COL4A1: variants seen among roughly 807,000 people sequenced by gnomAD.
COL4A1 encodes the protein collagen alpha-1(IV) chain.
In COL4A1, 40 loss-of-function variants were observed where a neutral mutation model predicts 216.6. The observed-to-expected ratio is 0.18, with a 90% CI of 0.14 to 0.24. The LOEUF (loss-of-function observed/expected upper bound fraction) is 0.24. Ranked by LOEUF, COL4A1 falls within the 10% of genes least tolerant of loss-of-function variation. The probability of loss-of-function intolerance (pLI) is 1.00; values close to 1 mark genes in which losing one functional copy is unlikely to be tolerated. For missense variants in COL4A1, 1,628 were observed against 2,196.8 expected, an observed-to-expected ratio of 0.74 and a Z score of 5.18; for synonymous variants, 839 against 810.7, an observed-to-expected ratio of 1.03 and a Z score of -0.59.
At chr13:110,196,842 T>C (rs781005494) in intron 21 of COL4A1, among the ~76,000 whole-genome samples, 14 of 152,224 alleles carry the variant, frequency 9.2e-5, no homozygotes, top group Non-Finnish European at 1.9e-4. Context: ...GCTCTATCGA[T>C]AAGTCCTGAG....
chr13:110,173,920 G>T lies in COL4A1; in HGVS notation c.3485C>A (p.Ala1162Glu). The change falls in exon 40 of 52, where the codon GCA becomes GAA. Residue 1162 changes from alanine (A) to glutamate (E), a missense_variant. Around this residue, in one of 8 missense-constraint regions of COL4A1, gnomAD observed 345 missense variants for 476.9 expected, o/e 0.72. Transcript: ENST00000375820. ...CATACCTGGTTCACCCTTCTCTCCT[G>T]CTGACCCCGGGATTCCATCACTGCC... ...EPGSDGIPGSAGEKGEPGLPG... is the reference protein window; with the variant it reads ...EPGSDGIPGSEGEKGEPGLPG... 1 of 1,614,182 alleles carries T rather than the reference G, an allele frequency of 6.2e-7. No homozygotes were observed. The highest frequency in any genetic ancestry group is 8.5e-7 in the Non-Finnish European group (1 of 1,180,044).
chr13:110,192,181 G>C (rs1878659381), intron 24 of COL4A1, 33 bp downstream of exon 24: 1 of 1,609,652 alleles, frequency 6.2e-7, no homozygotes, highest in South Asian at 1.1e-5. Context: ...GGCAACTTCT[G>C]ATATGTACAT....
chr13:110,200,150 T>C (rs919907489), intron 20 of COL4A1, among the ~76,000 whole-genome samples: 4 of 152,258 alleles, frequency 2.6e-5, no homozygotes, highest in South Asian at 2.1e-4. Flanking sequence ...TGTGTGCCAA[T>C]GCTAGGGCAC....
intron 2 of COL4A1, among the ~76,000 whole-genome samples, chr13:110,216,451 C>A (rs1880090588): frequency 6.6e-6 from 1 of 152,096 alleles, no homozygotes; most frequent in Admixed American, 6.5e-5. Flanking sequence ...CTTGTGTAGC[C>A]CCAAGTAACC....
At chr13:110,278,790 T>C (rs1357226081) in intron 1 of COL4A1, among the ~76,000 whole-genome samples, 3 of 152,202 alleles carry the variant, frequency 2.0e-5, no homozygotes, top group Non-Finnish European at 2.9e-5. Context: ...CTTGACAGGA[T>C]CACCTTCTCC....
intron 21 of COL4A1, among the ~76,000 whole-genome samples, chr13:110,195,747 A>C (rs1878857641): frequency 1.3e-5 from 2 of 152,232 alleles, no homozygotes; most frequent in South Asian, 4.1e-4. Context: ...TTGGATACAC[A>C]CTGAGATGGA....
At chr13:110,291,631 G>A (rs1884093157) in intron 1 of COL4A1, among the ~76,000 whole-genome samples, 1 of 152,196 alleles carries the variant, frequency 6.6e-6, no homozygotes, top group African/African-American at 2.4e-5. Flanking sequence ...TAATTGTGCA[G>A]AGCCCTGACT....
chr13:110,228,208 G>T (rs1273749553), intron 2 of COL4A1, among the ~76,000 whole-genome samples: 1 of 144,338 alleles, frequency 6.9e-6, no homozygotes, highest in East Asian at 2.1e-4. Context: ...TCAAGCACAG[G>T]ATGCCCCTGA....
intron 1 of COL4A1, among the ~76,000 whole-genome samples, chr13:110,275,308 G>C (rs534356355): frequency 6.6e-6 from 1 of 152,160 alleles, no homozygotes; most frequent in African/African-American, 2.4e-5. Flanking sequence ...ATATGCAAAT[G>C]CGTTCCACAT....
At chr13:110,199,900 G>A (rs1328960830) in intron 20 of COL4A1, among the ~76,000 whole-genome samples, 1 of 152,148 alleles carries the variant, frequency 6.6e-6, no homozygotes, top group African/African-American at 2.4e-5. Context: ...TGCTTTTAAG[G>A]GTAGAGTCAG....
At position 110,205,515 on chromosome 13, in the gene COL4A1, G is replaced by A; in HGVS notation, c.882C>T (p.Asp294=). 6.2e-7 allele frequency: 1 copy of A among 1,608,512 alleles called. No individual in the cohort carries two copies. The highest frequency in any genetic ancestry group is 8.5e-7 in the Non-Finnish European group (1 of 1,179,840). The part of the protein sequence containing the change: ...GPRGKPGKDG[D]KGEKGSPGFP... The stretch of plus-strand genomic sequence containing the variant: ...TTACGGGACTCCCTTTTTCCCCTTT[G>A]TCACCATCTTTTCCGGGTTTGCCCT... Residue 294 remains aspartate (D), a synonymous_variant, in exon 16 of 52, where the codon GAC becomes GAT. Transcript: ENST00000375820.
In COL4A1 at chr13:110,192,934, G is replaced by T. The variant is rs368597293; in HGVS notation, c.1382-21C>A. ...TTGACCTAAAAAAGAAAACACAAAG[G>T]TGCTTACGTGTAACATGTGACCAGA... On this transcript the variant is annotated intron_variant, in intron 22 of 51. Transcript: ENST00000375820. 7 of 1,608,150 alleles carry T rather than the reference G, an allele frequency of 4.4e-6. No individual in the cohort carries two copies. In the African/African-American group the frequency reaches 9.4e-5, roughly 22 times the overall value.
At chr13:110,185,002 C>T (rs797002364) in intron 26 of COL4A1, among the ~76,000 whole-genome samples, 33 of 152,128 alleles carry the variant, frequency 2.2e-4, no homozygotes, top group African/African-American at 8.0e-4. Flanking sequence ...AAATATTAGT[C>T]CCTAATGGGA....
intron 1 of COL4A1, among the ~76,000 whole-genome samples, chr13:110,290,119 G>A (rs566238309): frequency 1.3e-5 from 2 of 152,332 alleles, no homozygotes; most frequent in South Asian, 2.1e-4. Flanking sequence ...TTTCATGTTC[G>A]GTAATTTTGA....
intron 25 of COL4A1, 125 bp from the exon 26 acceptor site, chr13:110,186,678 T>C (rs991882776): frequency 1.3e-5 from 16 of 1,235,396 alleles, no homozygotes; most frequent in African/African-American, 1.1e-4. Context: ...ATTTATTTAC[T>C]TCATCTACCC....
intron 1 of COL4A1, among the ~76,000 whole-genome samples, chr13:110,305,360 G>A (rs754040959): frequency 2.6e-5 from 4 of 152,228 alleles, no homozygotes; most frequent in Non-Finnish European, 4.4e-5. Context: ...CAGGATTTGC[G>A]TAACTGAGTG....
rs562863986 is a variant in COL4A1, at chr13:110,262,256, C to T, written c.85-19522G>A. The stretch of plus-strand genomic sequence containing the variant: ...AGGTCTGCAAGGCCAAGAGCTTGCC[C>T]TGCACCTGCCCGCCAGCAAGTGGGG... On this transcript the variant is annotated intron_variant, in intron 1 of 51. Transcript: ENST00000375820. 2.0e-5 allele frequency among the ~76,000 whole-genome samples: 3 copies of T among 152,310 alleles called. No homozygotes were observed. In the South Asian group the frequency reaches 6.2e-4, roughly 32 times the overall value.
intron 41 of COL4A1, 50 bp downstream of exon 41, chr13:110,172,670 C>A: frequency 2.6e-6 from 4 of 1,562,280 alleles, no homozygotes; most frequent in East Asian, 2.2e-5. Flanking sequence ...TTCTGCTAAT[C>A]AGGCAGCAGC....
In COL4A1 at chr13:110,149,477, T is replaced by C. The variant is rs994637483; in HGVS notation, c.*886A>G. ...AAAACAATAAGCTCAAAGTACATGT[T>C]TCACTATAATAGACACCATATTCAT... On this transcript the variant is annotated 3_prime_UTR_variant, in exon 52 of 52. Coordinates refer to ENST00000375820, the MANE Select transcript of COL4A1 (RefSeq NM_001845.6). 2 of 152,806 alleles carry C rather than the reference T, an allele frequency of 1.3e-5. No individual in the cohort carries two copies. The highest frequency in any genetic ancestry group is 2.9e-5 in the Non-Finnish European group (2 of 68,078). The allele number at this position is 152,806 out of a possible 1,614,324, so 9.5% of individuals were successfully genotyped here.
Sources: gnomAD v4.1 joint callset for allele counts (sites outside exome capture counted in the v4.1 genomes callset) on GRCh38, gnomAD v4.1.1 for gene constraint, gnomAD v4.1.1 regional missense constraint, MANE v1.5 for transcripts, NCBI Gene and HGNC (gene_info 2026-07-23, HGNC 2026-07-21) for gene names.